DLC1: variants seen among roughly 807,000 people sequenced by gnomAD.
The protein encoded by DLC1 is rho GTPase-activating protein 7.
Under a neutral mutation model 140.3 loss-of-function variants are expected in DLC1, and 54 were observed. That is an observed-to-expected ratio of 0.38 (90% confidence interval 0.31 to 0.48). DLC1 has a LOEUF of 0.48. DLC1 is among the 20% of genes least tolerant of loss of function. DLC1 has a pLI of 0.96. For synonymous variants in DLC1, 986 were observed against 728.1 expected, an observed-to-expected ratio of 1.35 and a Z score of -5.70; for missense variants, 2,536 against 1,907.0, an observed-to-expected ratio of 1.33 and a Z score of -6.14.
chr8:13,164,186 A>G (rs534023532), intron 5 of DLC1, among the ~76,000 whole-genome samples: 73 of 152,232 alleles, frequency 4.8e-4, no homozygotes, highest in African/African-American at 1.6e-3. Flanking sequence ...AATCCCAGCT[A>G]CTTGGGAGGC....
At chr8:13,117,194 G>C (rs1455450660) in intron 5 of DLC1, among the ~76,000 whole-genome samples, 1 of 152,226 alleles carries the variant, frequency 6.6e-6, no homozygotes, top group African/African-American at 2.4e-5. Flanking sequence ...AAATTAGACT[G>C]GGTGTGGTGG....
In DLC1 at chr8:13,092,679, G is replaced by T. The variant is rs1306320931; in HGVS notation, c.3673C>A (p.Leu1225Met). The T allele has an allele frequency of 1.9e-6, 3 of 1,614,056 alleles. No individual in the cohort carries two copies. The highest frequency in any genetic ancestry group is 4.5e-5 in the East Asian group (2 of 44,880). Residue 1225 changes from leucine to methionine, a missense_variant, in exon 13 of 18, where the codon CTG becomes ATG. Physicochemically the swap from Leu to Met is conservative, Grantham distance 15 (BLOSUM62 2). Transcript: ENST00000276297. ...AGGGAAGGCGCTAAGCACACGGCCA[G>T]GTTGGTTGGGGTCATCTGGTTTTCT... ...VKENQMTPTN[L>M]AVCLAPSLFH...
chr8:13,106,853 G>A (rs1563611134), intron 7 of DLC1, among the ~76,000 whole-genome samples: 1 of 152,154 alleles, frequency 6.6e-6, no homozygotes, highest in Non-Finnish European at 1.5e-5. Flanking sequence ...AATTCCAAAG[G>A]AAAATAGCAA....
intron 5 of DLC1, among the ~76,000 whole-genome samples, chr8:13,140,852 T>C (rs1318395172): frequency 6.6e-6 from 1 of 152,186 alleles, no homozygotes. Context: ...TTTGGCTTTA[T>C]TTTTAGTTAT....
chr8:13,364,500 T>C (rs928381967), intron 4 of DLC1, among the ~76,000 whole-genome samples: 2 of 152,124 alleles, frequency 1.3e-5, no homozygotes, highest in East Asian at 3.9e-4. Flanking sequence ...TTTCTCCATG[T>C]TGCTCAGGCT....
At chr8:13,581,203 T>C (rs1044889738) in intron 1 of DLC1, among the ~76,000 whole-genome samples, 3 of 152,234 alleles carry the variant, frequency 2.0e-5, no homozygotes, top group East Asian at 3.9e-4. Context: ...TAGCTCATAA[T>C]TGCTCTCAGC....
chr8:13,459,216 C>T lies in DLC1; in HGVS notation c.1023+39833G>A, dbSNP rs1585144790. On this transcript the variant is annotated intron_variant, in intron 2 of 17. Coordinates refer to ENST00000276297, the MANE Select transcript of DLC1 (RefSeq NM_182643.3). ...TTAATCTCTAGAGAATTTCTAAGCT[C>T]TGTGAAGTTCTGTGTTTTTCTGATT... is the stretch of plus-strand genomic sequence containing the variant. Among the ~76,000 whole-genome samples, 4 of 152,284 alleles carry T rather than the reference C, an allele frequency of 2.6e-5. No homozygotes were observed. The East Asian group carries it at 7.7e-4, about 29-fold the overall frequency.
At chr8:13,231,271 G>A (rs1442534451) in intron 5 of DLC1, among the ~76,000 whole-genome samples, 4 of 151,810 alleles carry the variant, frequency 2.6e-5, no homozygotes, top group Non-Finnish European at 5.9e-5. Context: ...TGATGGAAAC[G>A]ATTGCCATTT....
chr8:13,508,808 G>C (rs1802229467), intron 1 of DLC1, among the ~76,000 whole-genome samples: 1 of 152,072 alleles, frequency 6.6e-6, no homozygotes. Context: ...AGTACTGTTT[G>C]ATCCTATGCA....
chr8:13,294,287 C>T (rs541314606), intron 5 of DLC1, among the ~76,000 whole-genome samples: 33 of 152,264 alleles, frequency 2.2e-4, no homozygotes, highest in African/African-American at 6.7e-4. Flanking sequence ...TTAGGTGCAC[C>T]GTACTGTGCT....
At chr8:13,307,816 G>T (rs1297173040) in intron 4 of DLC1, among the ~76,000 whole-genome samples, 3 of 152,200 alleles carry the variant, frequency 2.0e-5, no homozygotes, top group South Asian at 4.1e-4. Flanking sequence ...TAACTTTTGT[G>T]AGGTCATGCT....
At chr8:13,148,375 A>G (rs1400802355) in intron 5 of DLC1, among the ~76,000 whole-genome samples, 1 of 152,198 alleles carries the variant, frequency 6.6e-6, no homozygotes, top group Non-Finnish European at 1.5e-5. Flanking sequence ...ACAAGTGAGA[A>G]CATGCAGTAT....
At chr8:13,563,778 C>CA (rs57734281) in intron 1 of DLC1, among the ~76,000 whole-genome samples, 1 of 151,898 alleles carries the variant, frequency 6.6e-6, no homozygotes, top group African/African-American at 2.4e-5. Context: ...TTTTTCATAG[C>CA]AAAAAAACTA....
At chr8:13,427,433 T>A (rs1838644406) in intron 2 of DLC1, among the ~76,000 whole-genome samples, 1 of 152,208 alleles carries the variant, frequency 6.6e-6, no homozygotes, top group Admixed American at 6.5e-5. Flanking sequence ...GAGAGCCATA[T>A]AATTTCACAC....
intron 5 of DLC1, among the ~76,000 whole-genome samples, chr8:13,273,874 G>C (rs958901710): frequency 6.6e-6 from 1 of 152,094 alleles, no homozygotes; most frequent in Non-Finnish European, 1.5e-5. Context: ...TAAAATCTCA[G>C]ATTAGTTTTT....
chr8:13,323,451 G>C (rs1439992799), intron 4 of DLC1, among the ~76,000 whole-genome samples: 1 of 152,130 alleles, frequency 6.6e-6, no homozygotes, highest in Non-Finnish European at 1.5e-5. Flanking sequence ...AGACAAAATG[G>C]AAATAGGCAG....
At chr8:13,583,382 C>G (rs978464412) in intron 1 of DLC1, among the ~76,000 whole-genome samples, 2 of 152,128 alleles carry the variant, frequency 1.3e-5, no homozygotes, top group African/African-American at 2.4e-5. Context: ...TTTGCTCATC[C>G]ATAAGAAGCA....
intron 5 of DLC1, among the ~76,000 whole-genome samples, chr8:13,153,129 C>T (rs4427174): frequency 0.34 from 50,811 of 151,580 alleles, 9,663 homozygotes; most frequent in East Asian, 0.53. Context: ...CGCGGACCCG[C>T]GCAGTGAGTG....
At chr8:13,318,197 A>ATT (rs3988459) in intron 4 of DLC1, among the ~76,000 whole-genome samples, 17 of 136,266 alleles carry the variant, frequency 1.2e-4, no homozygotes, top group Middle Eastern at 3.9e-3. Context: ...GCTAATTAAA[A>ATT]TTTTTTTTTT....
Sources: gnomAD v4.1 joint callset for allele counts (sites outside exome capture counted in the v4.1 genomes callset) on GRCh38, gnomAD v4.1.1 for gene constraint, MANE v1.5 for transcripts, NCBI Gene and HGNC (gene_info 2026-07-23, HGNC 2026-07-21) for gene names.